The following CDH13 variants were observed in gnomAD, a reference collection of about 807,000 sequenced individuals.
The protein encoded by CDH13 is cadherin 13.
A neutral mutation model predicts 63.8 loss-of-function variants in CDH13; 24 were observed. The ratio of observed to expected loss-of-function variants is 0.38; its 90% confidence interval spans 0.27 to 0.53. The LOEUF is 0.53. Among genes scored for constraint, CDH13 ranks in the 20% least tolerant of loss-of-function variants. CDH13 has a pLI of 0.85. For synonymous variants in CDH13, 503 were observed against 355.3 expected (o/e 1.42, Z -4.67); for missense variants, 1,049 against 903.1 (o/e 1.16, Z -2.07).
intron 1 of CDH13, among the ~76,000 whole-genome samples, chr16:82,821,356 A>G (rs1196004648): frequency 6.6e-6 from 1 of 152,228 alleles, no homozygotes; most frequent in African/African-American, 2.4e-5. Flanking sequence ...TTTAAAATTT[A>G]TACTAATGAG....
intron 3 of CDH13, among the ~76,000 whole-genome samples, chr16:83,055,359 A>G (rs34885940): frequency 0.049 from 7,466 of 151,268 alleles, 216 homozygotes; most frequent in Middle Eastern, 0.085. Context: ...CTTGATATCA[A>G]TAGTCCCTAG....
chr16:82,657,107 G>C (rs1432912445), intron 1 of CDH13, among the ~76,000 whole-genome samples: 1 of 151,870 alleles, frequency 6.6e-6, no homozygotes, highest in East Asian at 1.9e-4. Context: ...GTTTTCATGG[G>C]GAATAAGTTC....
At chr16:82,917,211 G>T (rs185340031) in intron 2 of CDH13, among the ~76,000 whole-genome samples, 4 of 152,290 alleles carry the variant, frequency 2.6e-5, no homozygotes, top group Admixed American at 1.3e-4. Context: ...TAAAGAAGGG[G>T]CTAGCAGGTC....
At chr16:82,745,313 C>G (rs932376433) in intron 1 of CDH13, among the ~76,000 whole-genome samples, 1 of 152,140 alleles carries the variant, frequency 6.6e-6, no homozygotes, top group African/African-American at 2.4e-5. Context: ...AAAGATACAA[C>G]GTGTAACTCA....
chr16:83,271,302 C>T (rs9921180), intron 5 of CDH13, among the ~76,000 whole-genome samples: 120,855 of 150,176 alleles, frequency 0.8, 48,867 homozygotes, highest in South Asian at 0.86. Flanking sequence ...GTGAGTCTTA[C>T]GGATAAGTGA....
chr16:83,569,492 T>C (rs566365349), intron 7 of CDH13, among the ~76,000 whole-genome samples: 7 of 152,354 alleles, frequency 4.6e-5, no homozygotes, highest in Non-Finnish European at 8.8e-5. Flanking sequence ...ATGCTTGAAA[T>C]ATATTTGAAT....
At chr16:83,067,949 C>T (rs1426677512) in intron 3 of CDH13, among the ~76,000 whole-genome samples, 5 of 152,234 alleles carry the variant, frequency 3.3e-5, no homozygotes, top group African/African-American at 1.2e-4. Context: ...CTGGCCTGGG[C>T]TTAAGAAGCC....
chr16:83,414,417 T>G (rs1363800203), intron 6 of CDH13, among the ~76,000 whole-genome samples: 1 of 152,212 alleles, frequency 6.6e-6, no homozygotes, highest in Non-Finnish European at 1.5e-5. Flanking sequence ...ATATTTAAAT[T>G]TTATTTTATT....
intron 2 of CDH13, among the ~76,000 whole-genome samples, chr16:82,991,901 T>A (rs1411567591): frequency 6.6e-6 from 1 of 152,048 alleles, no homozygotes; most frequent in Non-Finnish European, 1.5e-5. Flanking sequence ...GAGAGTGATA[T>A]AAAGAAATTT....
At chr16:82,853,381 A>G (rs1445314703) in intron 1 of CDH13, among the ~76,000 whole-genome samples, 3 of 152,262 alleles carry the variant, frequency 2.0e-5, no homozygotes, top group Non-Finnish European at 4.4e-5. Context: ...TCAGTGAATC[A>G]TGAATATGGA....
intron 1 of CDH13, 85 bp downstream of exon 1, chr16:82,627,222 G>A (rs1907390817): frequency 1.7e-6 from 2 of 1,177,342 alleles, no homozygotes; most frequent in Non-Finnish European, 2.5e-6. Flanking sequence ...GGGGGCTTTC[G>A]GGGGGTCGGG....
chr16:83,105,211 C>T (rs143149535), intron 3 of CDH13, among the ~76,000 whole-genome samples: 5 of 152,152 alleles, frequency 3.3e-5, no homozygotes, highest in Admixed American at 6.5e-5. Flanking sequence ...CCAGGATCAC[C>T]GTAAGATTCT....
chr16:82,717,814 G>A (rs138780692), intron 1 of CDH13, among the ~76,000 whole-genome samples: 24 of 152,170 alleles, frequency 1.6e-4, no homozygotes, highest in East Asian at 1.9e-4. Context: ...TTAGGATTTG[G>A]TACCTTTGGG....
At chr16:83,240,009 A>C (rs982076146) in intron 5 of CDH13, among the ~76,000 whole-genome samples, 4 of 152,192 alleles carry the variant, frequency 2.6e-5, no homozygotes, top group African/African-American at 9.6e-5. Context: ...AAAGAGAGAA[A>C]GCCCCACAGG....
intron 8 of CDH13, among the ~76,000 whole-genome samples, chr16:83,669,672 A>G (rs1187485226): frequency 1.3e-5 from 2 of 152,158 alleles, no homozygotes; most frequent in African/African-American, 4.8e-5. Flanking sequence ...CCTCAGGATT[A>G]AGGTTTATGA....
intron 7 of CDH13, among the ~76,000 whole-genome samples, chr16:83,536,533 C>T (rs117011628): frequency 3.2e-4 from 49 of 151,316 alleles, no homozygotes; most frequent in East Asian, 9.8e-4. Flanking sequence ...GCTGGAGAGG[C>T]CACCAAGAGC....
chr16:82,811,741 G>C (rs2037455398), intron 1 of CDH13, among the ~76,000 whole-genome samples: 2 of 152,124 alleles, frequency 1.3e-5, no homozygotes, highest in African/African-American at 2.4e-5. Flanking sequence ...TATGGAATTG[G>C]AAATGGTTAG....
intron 1 of CDH13, among the ~76,000 whole-genome samples, chr16:82,782,667 CACTT>C (rs2035817392): frequency 6.6e-6 from 1 of 152,264 alleles, no homozygotes; most frequent in East Asian, 1.9e-4. Flanking sequence ...TTGGCACAGA[CACTT>C]AATTATGCAT....
chr16:83,563,231 T>TGG, intron 7 of CDH13, among the ~76,000 whole-genome samples: 2 of 152,334 alleles, frequency 1.3e-5, no homozygotes, highest in South Asian at 4.1e-4. Flanking sequence ...CCTAATAACA[T>TGG]GGGGAAGCAT....
Sources: gnomAD v4.1 joint callset for allele counts (sites outside exome capture counted in the v4.1 genomes callset) on GRCh38, gnomAD v4.1.1 for gene constraint, MANE v1.5 for transcripts, NCBI Gene and HGNC (gene_info 2026-07-23, HGNC 2026-07-21) for gene names.